Variants in GALNT17 observed in about 807,000 individuals in gnomAD.
GALNT17 encodes UDP-GalNAc:polypeptide N-acetylgalactosaminyltransferase-like 3.
A neutral mutation model predicts 63.7 loss-of-function variants in GALNT17; 29 were observed. The ratio of observed to expected loss-of-function variants is 0.46; its 90% confidence interval spans 0.34 to 0.62. GALNT17 has a LOEUF of 0.62. Ranked by LOEUF, GALNT17 falls within the 20% of genes least tolerant of loss-of-function variation. The pLI is 0.01. For synonymous variants in GALNT17, 305 were observed against 318.3 expected (o/e 0.96, Z 0.45); for missense variants, 603 against 799.6 (o/e 0.75, Z 2.97).
intron 5 of GALNT17, among the ~76,000 whole-genome samples, chr7:71,502,340 A>T (rs1259288701): frequency 2.0e-5 from 3 of 152,302 alleles, no homozygotes; most frequent in Admixed American, 6.5e-5. Flanking sequence ...GGTCACATTC[A>T]TCGGAATTGG....
intron 1 of GALNT17, among the ~76,000 whole-genome samples, chr7:71,217,155 T>G (rs1789499203): frequency 6.7e-6 from 1 of 149,826 alleles, no homozygotes; most frequent in South Asian, 2.1e-4. Flanking sequence ...GTTTTTTTTT[T>G]TTTTTTTTTT....
At chr7:71,411,772 C>T (rs563668269) in intron 3 of GALNT17, among the ~76,000 whole-genome samples, 5 of 152,312 alleles carry the variant, frequency 3.3e-5, no homozygotes, top group African/African-American at 9.6e-5. Flanking sequence ...TTGTCTTGAT[C>T]AACGGACCAT....
At chr7:71,338,535 G>T (rs975803310) in intron 2 of GALNT17, among the ~76,000 whole-genome samples, 3 of 151,976 alleles carry the variant, frequency 2.0e-5, no homozygotes, top group Middle Eastern at 6.3e-3. Flanking sequence ...AACTATTTGT[G>T]TGCATCTTGG....
chr7:71,304,911 T>C (rs1332196403), intron 1 of GALNT17, among the ~76,000 whole-genome samples: 1 of 152,130 alleles, frequency 6.6e-6, no homozygotes, highest in Non-Finnish European at 1.5e-5. Flanking sequence ...GCCTGACTAA[T>C]TTTTTGTATT....
chr7:71,630,813 T>C (rs947844069), intron 6 of GALNT17, among the ~76,000 whole-genome samples: 1 of 152,182 alleles, frequency 6.6e-6, no homozygotes, highest in Non-Finnish European at 1.5e-5. Context: ...GAGCTTGATA[T>C]TGAGGACCCA....
intron 5 of GALNT17, among the ~76,000 whole-genome samples, chr7:71,431,101 C>G (rs544467227): frequency 7.9e-5 from 12 of 152,090 alleles, no homozygotes; most frequent in African/African-American, 2.9e-4. Flanking sequence ...ATAGCCATAA[C>G]TAACACCACA....
At chr7:71,465,009 C>A (rs563476822) in intron 5 of GALNT17, among the ~76,000 whole-genome samples, 1 of 152,070 alleles carries the variant, frequency 6.6e-6, no homozygotes, top group Non-Finnish European at 1.5e-5. Flanking sequence ...CATCTTAATA[C>A]GAACTTAAGT....
chr7:71,659,629 CT>C (rs1367772424), intron 6 of GALNT17, among the ~76,000 whole-genome samples: 10 of 152,250 alleles, frequency 6.6e-5, no homozygotes, highest in Non-Finnish European at 4.4e-5. Context: ...GACATCACTT[CT>C]GCATTCTGTT....
At chr7:71,435,962 G>A (rs1375388975) in intron 5 of GALNT17, among the ~76,000 whole-genome samples, 1 of 146,068 alleles carries the variant, frequency 6.8e-6, no homozygotes, top group Non-Finnish European at 1.5e-5. Context: ...GGAGCTTGCA[G>A]TGAGCCAAGA....
intron 6 of GALNT17, among the ~76,000 whole-genome samples, chr7:71,591,724 G>A (rs772149270): frequency 4.0e-5 from 6 of 151,792 alleles, no homozygotes; most frequent in South Asian, 2.1e-4. Flanking sequence ...GTGCAGTGGC[G>A]TGATCTCGGC....
At chr7:71,563,480 TC>T (rs1789289386) in intron 5 of GALNT17, among the ~76,000 whole-genome samples, 1 of 152,216 alleles carries the variant, frequency 6.6e-6, no homozygotes, top group African/African-American at 2.4e-5. Context: ...CAAGGACAGC[TC>T]CTCGTTTATC....
At chr7:71,149,555 G>A (rs971821002) in intron 1 of GALNT17, among the ~76,000 whole-genome samples, 1 of 152,136 alleles carries the variant, frequency 6.6e-6, no homozygotes, top group African/African-American at 2.4e-5. Context: ...CCTTCACCCA[G>A]GTTAGTAGTC....
At chr7:71,295,921 T>G (rs11976781) in intron 1 of GALNT17, among the ~76,000 whole-genome samples, 31,352 of 151,740 alleles carry the variant, frequency 0.21, 3,341 homozygotes, top group East Asian at 0.33. Context: ...TCTTGGGTTT[T>G]TTTTTTTTTT....
At chr7:71,145,479 C>G (rs955797529) in intron 1 of GALNT17, among the ~76,000 whole-genome samples, 13 of 152,026 alleles carry the variant, frequency 8.6e-5, no homozygotes, top group Non-Finnish European at 1.6e-4. Flanking sequence ...GCCTGGGTGA[C>G]AGAGTGAGAC....
chr7:71,286,649 A>T (rs1294935291), intron 1 of GALNT17, among the ~76,000 whole-genome samples: 1 of 152,144 alleles, frequency 6.6e-6, no homozygotes, highest in Non-Finnish European at 1.5e-5. Flanking sequence ...GATCGATGCT[A>T]GCTCCAACAT....
intron 6 of GALNT17, among the ~76,000 whole-genome samples, chr7:71,590,307 T>A (rs768804343): frequency 1.3e-5 from 2 of 152,230 alleles, no homozygotes; most frequent in Non-Finnish European, 2.9e-5. Flanking sequence ...TGGAAAATAG[T>A]GTGGTATTCT....
At chr7:71,382,070 C>G (rs927530315) in intron 2 of GALNT17, among the ~76,000 whole-genome samples, 1 of 151,930 alleles carries the variant, frequency 6.6e-6, no homozygotes, top group Admixed American at 6.6e-5. Context: ...CAGGGAAGGG[C>G]TAATAGATTA....
intron 6 of GALNT17, among the ~76,000 whole-genome samples, chr7:71,580,150 G>A (rs1789610339): frequency 6.6e-6 from 1 of 152,096 alleles, no homozygotes; most frequent in Non-Finnish European, 1.5e-5. Flanking sequence ...TAGATGGATA[G>A]ATGATATAGA....
At position 71,156,101 on chromosome 7, in the gene GALNT17, C is replaced by T. The variant is rs190125371; in HGVS notation, c.238+23061C>T. On this transcript the variant is annotated intron_variant, in intron 1 of 10. Coordinates refer to ENST00000333538, the MANE Select transcript of GALNT17 (RefSeq NM_022479.3). Reference sequence around the variant, plus strand: ...ATCCCAGCTACTGGGGAGGCTGAGGCAGCAGAATCCCTTGAACCTGGGAGG... The same window carrying T: ...ATCCCAGCTACTGGGGAGGCTGAGGTAGCAGAATCCCTTGAACCTGGGAGG... Among the ~76,000 whole-genome samples, 465 of 151,698 alleles carry T rather than the reference C, an allele frequency of 3.1e-3. 12 individuals carry two copies. The highest frequency in any genetic ancestry group is 0.011 in the African/African-American group (453 of 41,126).
Sources: allele counts gnomAD v4.1 joint callset (sites outside exome capture counted in the v4.1 genomes callset), GRCh38; gene constraint gnomAD v4.1.1; transcripts MANE v1.5; gene names NCBI Gene and HGNC (gene_info 2026-07-23, HGNC 2026-07-21).